Variants in ESR1 observed in about 807,000 individuals in gnomAD.
The protein encoded by ESR1 is estrogen receptor 1, also known as estrogen receptor.
In ESR1, 12 loss-of-function variants were observed where a neutral mutation model predicts 52.7. That is an observed-to-expected ratio of 0.23 (90% CI 0.15 to 0.37). The LOEUF is 0.37. Among genes scored for constraint, ESR1 ranks in the 10% least tolerant of loss-of-function variants. The pLI, the probability that ESR1 is intolerant of heterozygous loss-of-function variation, is 1.00. For missense variants in ESR1, 584 were observed against 779.7 expected (o/e 0.75, Z 2.99); for synonymous variants, 305 against 316.8 (o/e 0.96, Z 0.39).
intron 2 of ESR1, among the ~76,000 whole-genome samples, chr6:151,713,188 T>C (rs1056565539): frequency 1.3e-5 from 2 of 152,186 alleles, no homozygotes; most frequent in African/African-American, 4.8e-5. Context: ...GGGATGAAGC[T>C]GACTTGATTG....
intron 3 of ESR1, among the ~76,000 whole-genome samples, chr6:151,930,260 C>T (rs1477085928): frequency 6.6e-6 from 1 of 152,152 alleles, no homozygotes; most frequent in East Asian, 1.9e-4. Flanking sequence ...GCTGGGTTTA[C>T]AGGAGTGAGC....
At chr6:151,878,224 T>C (rs11155819) in intron 2 of ESR1, among the ~76,000 whole-genome samples, 38,642 of 152,210 alleles carry the variant, frequency 0.25, 5,475 homozygotes, top group Middle Eastern at 0.34. Context: ...ATACACTTTT[T>C]GCTTGCAGTT....
At chr6:151,786,046 G>A (rs1786990353) in intron 2 of ESR1, among the ~76,000 whole-genome samples, 1 of 152,174 alleles carries the variant, frequency 6.6e-6, no homozygotes, top group Non-Finnish European at 1.5e-5. Flanking sequence ...GTGGGAAAGA[G>A]ACTGAACCCC....
intron 6 of ESR1, among the ~76,000 whole-genome samples, chr6:152,111,246 A>AAGAT: frequency 6.6e-6 from 1 of 152,356 alleles, no homozygotes; most frequent in Non-Finnish European, 1.5e-5. Context: ...AACGTGAAAA[A>AAGAT]AGATAAAACT....
At chr6:151,744,075 G>A (rs1783303804) in intron 2 of ESR1, among the ~76,000 whole-genome samples, 1 of 152,054 alleles carries the variant, frequency 6.6e-6, no homozygotes, top group South Asian at 2.1e-4. Flanking sequence ...TGCAGCATGT[G>A]TCAGCACCTC....
At chr6:151,854,538 C>T (rs776426062) in intron 2 of ESR1, among the ~76,000 whole-genome samples, 7 of 152,176 alleles carry the variant, frequency 4.6e-5, no homozygotes, top group Non-Finnish European at 8.8e-5. Context: ...AATAAGCACT[C>T]GTTCTCTCTG....
At chr6:151,904,616 AT>A (rs1204527668) in intron 3 of ESR1, among the ~76,000 whole-genome samples, 3 of 152,190 alleles carry the variant, frequency 2.0e-5, no homozygotes, top group Admixed American at 2.0e-4. Context: ...TAACACATTC[AT>A]GCATATTCTT....
Position 151,929,363 on chromosome 6 carries a change from A to ACTCCATGC in ESR1, c.761-14810_761-14809insCTCCATGC, listed in dbSNP as rs1184601366. Among the ~76,000 whole-genome samples the ACTCCATGC allele has an allele frequency of 7.2e-5, 11 of 152,324 alleles. No homozygotes were observed. In the East Asian group the frequency reaches 1.5e-3, roughly 21 times the overall value. ...CTTCTTTGGTAGTCTGCTTTGCATGAAATTAATATAGCCACTCCAGCTTTA... is the reference window on the plus strand; with the variant it reads ...CTTCTTTGGTAGTCTGCTTTGCATGACTCCATGCAATTAATATAGCCACTCCAGCTTTA... On this transcript the variant is annotated intron_variant, in intron 3 of 7. Transcript: ENST00000206249.
At chr6:151,996,247 G>A (rs115193956) in intron 4 of ESR1, among the ~76,000 whole-genome samples, 4 of 152,150 alleles carry the variant, frequency 2.6e-5, no homozygotes, top group African/African-American at 9.7e-5. Context: ...TCAGCAAGGT[G>A]TTATGGTCCT....
rs111810328 is a variant in ESR1 at position 152,068,177 on chromosome 6, C to T, written c.1369+7053C>T. Among the ~76,000 whole-genome samples the T allele has an allele frequency of 7.2e-5, 11 of 152,346 alleles. No homozygotes were observed. The South Asian group carries it at 1.0e-3, about 14-fold the overall frequency. On this transcript the variant is annotated intron_variant, in intron 6 of 7. Coordinates refer to ENST00000206249, the MANE Select transcript of ESR1 (RefSeq NM_000125.4). Reference sequence around the variant, plus strand: ...ACTGGGCTCTCCCAGCACTTGCTTGCGCTCAGAACTGTGCCAAAACCTTTG... The same window carrying T: ...ACTGGGCTCTCCCAGCACTTGCTTGTGCTCAGAACTGTGCCAAAACCTTTG...
At chr6:151,924,113 C>T (rs141365318) in intron 3 of ESR1, among the ~76,000 whole-genome samples, 150 of 152,166 alleles carry the variant, frequency 9.9e-4, no homozygotes, top group African/African-American at 3.3e-3. Flanking sequence ...GCACGATCTT[C>T]GCTCATTGCA....
Position 151,774,978 on chromosome 6 carries a change from A to C in ESR1, c.-70-32865A>C, listed in dbSNP as rs1042238003. Among the ~76,000 whole-genome samples, 6 of 152,340 alleles carry C rather than the reference A, an allele frequency of 3.9e-5. No individual in the cohort carries two copies. In the East Asian group the frequency reaches 1.2e-3, roughly 29 times the overall value. ...GACTTATCCCTCATCTTACCTTAAGAAGATAATGAGTTGAGGTGGATCTTG... is the reference window on the plus strand; with the variant it reads ...GACTTATCCCTCATCTTACCTTAAGCAGATAATGAGTTGAGGTGGATCTTG... On this transcript the variant is annotated intron_variant, in intron 2 of 2. Transcript: ENST00000404742.
At chr6:151,790,808 C>A (rs958056356) in intron 2 of ESR1, among the ~76,000 whole-genome samples, 4 of 152,110 alleles carry the variant, frequency 2.6e-5, no homozygotes, top group Non-Finnish European at 4.4e-5. Context: ...ATGAGGCCAA[C>A]CTTATTGGCC....
chr6:151,669,287 T>C (rs1337361422), intron 1 of ESR1, among the ~76,000 whole-genome samples: 1 of 72,604 alleles, frequency 1.4e-5, no homozygotes, highest in Admixed American at 1.7e-4. Flanking sequence ...GTTGGGGGAG[T>C]GGGGAGAGGG....
intron 4 of ESR1, among the ~76,000 whole-genome samples, chr6:151,997,448 A>G (rs2041592298): frequency 1.3e-5 from 2 of 152,124 alleles, no homozygotes; most frequent in Non-Finnish European, 2.9e-5. Context: ...TTTAATTGTA[A>G]TCATAGCCCC....
At chr6:151,883,819 TTCTC>T (rs1793371197) in intron 3 of ESR1, among the ~76,000 whole-genome samples, 1 of 152,138 alleles carries the variant, frequency 6.6e-6, no homozygotes, top group African/African-American at 2.4e-5. Flanking sequence ...GATGGCTGCC[TTCTC>T]TCTGTGTCCC....
At chr6:152,027,766 G>A (rs9478265) in intron 5 of ESR1, among the ~76,000 whole-genome samples, 7,134 of 152,150 alleles carry the variant, frequency 0.047, 233 homozygotes, top group East Asian at 0.14. Context: ...AACATTTTAG[G>A]TCCGTTTTCC....
At chr6:151,944,078 A>C in intron 3 of ESR1, 95 bp from the exon 4 acceptor site, 1 of 1,049,252 alleles carries the variant, frequency 9.5e-7, no homozygotes, top group Non-Finnish European at 1.4e-6. Flanking sequence ...TATTTCTTCA[A>C]ATAAAATGAA....
In ESR1 at chr6:151,793,705, C is replaced by G. The variant is rs1776427785; in HGVS notation, c.-70-14138C>G. ...CAAGACCACTGTCATATCTGCAGTA[C>G]AAAACATCATTATGTGGTGCATGAC... On this transcript the variant is annotated intron_variant, in intron 2 of 2. Coordinates refer to the ESR1 transcript ENST00000404742. Among the ~76,000 whole-genome samples, 3 of 152,120 alleles carry G rather than the reference C, an allele frequency of 2.0e-5. No homozygotes were observed. The South Asian group carries it at 6.2e-4, about 32-fold the overall frequency.
Sources: gnomAD v4.1 joint callset for allele counts (sites outside exome capture counted in the v4.1 genomes callset) on GRCh38, gnomAD v4.1.1 for gene constraint, MANE v1.5 for transcripts, NCBI Gene and HGNC (gene_info 2026-07-23, HGNC 2026-07-21) for gene names.